The following PUDP variants were observed in gnomAD, a reference collection of about 807,000 sequenced individuals.
PUDP encodes the protein pseudouridine-5'-phosphatase.
Under a neutral mutation model 9.4 loss-of-function variants are expected in PUDP, and 8 were observed. The ratio of observed to expected loss-of-function variants is 0.85; its 90% CI spans 0.50 to 1.53. The LOEUF (loss-of-function observed/expected upper bound fraction) is 1.53, where lower values mean the gene tolerates loss of function less well. Among genes scored for constraint, PUDP ranks in the 40% most tolerant of loss-of-function variants. The pLI is 0.00. For synonymous variants in PUDP, 99 were observed against 80.7 expected (o/e 1.23, Z -1.22); for missense variants, 188 against 189.7 (o/e 0.99, Z 0.05).
chrX:7,024,280 G>A (rs1325218830), intron 1 of PUDP, among the ~76,000 whole-genome samples: 16 of 111,689 alleles, frequency 1.4e-4, no homozygotes, highest in Non-Finnish European at 2.8e-4. Context: ...TTAAAGAAAA[G>A]TATTAAGTTT....
chrX:6,841,056 A>G (rs1004160628), intron 3 of PUDP, among the ~76,000 whole-genome samples: 1 of 111,705 alleles, frequency 9.0e-6, no homozygotes, highest in African/African-American at 3.3e-5. Flanking sequence ...AGGTGGGTGG[A>G]TCACAAGGTC....
At chrX:7,134,299 A>G (rs1469528003) in intron 1 of PUDP, among the ~76,000 whole-genome samples, 1 of 112,174 alleles carries the variant, frequency 8.9e-6, no homozygotes, top group Admixed American at 9.5e-5. Flanking sequence ...TTCAGTATCT[A>G]CAATTGTACC....
intron 3 of PUDP, among the ~76,000 whole-genome samples, chrX:6,856,883 A>C (rs757389933): frequency 8.9e-6 from 1 of 112,298 alleles, no homozygotes; most frequent in African/African-American, 3.2e-5. Flanking sequence ...ACTTTGACTT[A>C]AGTAAGCCAA....
chrX:6,711,080 C>T (rs1346184058), intron 1 of PUDP, among the ~76,000 whole-genome samples: 1 of 111,795 alleles, frequency 8.9e-6, no homozygotes, highest in Non-Finnish European at 1.9e-5. Context: ...TCCCCTTCCC[C>T]CTCTGAAGTT....
intron 3 of PUDP, among the ~76,000 whole-genome samples, chrX:6,814,000 C>T (rs913852305): frequency 1.8e-5 from 2 of 110,840 alleles, no homozygotes; most frequent in African/African-American, 3.3e-5. Flanking sequence ...GCTGCCATTG[C>T]GGGAGAAACA....
chrX:7,123,558 T>C lies in PUDP; in HGVS notation c.62-17720A>G, dbSNP rs151313395. 7.2e-4 allele frequency among the ~76,000 whole-genome samples: 81 copies of C among 111,756 alleles called. 2 individuals are homozygous for C. The East Asian group carries it at 0.021, about 28-fold the overall frequency. ...AATAATCGCATTGTATGTAAATAGA[T>C]TAAAAACGCCAATTAAAAGGTAGAG... On this transcript the variant is annotated intron_variant, in intron 1 of 3. Transcript: ENST00000381077.
At chrX:6,905,725 G>T (rs1232196562) in intron 3 of PUDP, among the ~76,000 whole-genome samples, 4 of 111,438 alleles carry the variant, frequency 3.6e-5, no homozygotes, top group African/African-American at 9.8e-5. Flanking sequence ...CACATATAGC[G>T]ATCAGCCCAG....
chrX:6,728,052 C>A (rs1475293842), intron 3 of PUDP, among the ~76,000 whole-genome samples: 2 of 111,607 alleles, frequency 1.8e-5, no homozygotes, highest in South Asian at 7.6e-4. Context: ...AATGGACTCA[C>A]AGTTCCACCT....
chrX:7,005,900 T>C (rs189713756), intron 1 of PUDP, among the ~76,000 whole-genome samples: 1 of 111,564 alleles, frequency 9.0e-6, no homozygotes, highest in African/African-American at 3.3e-5. Flanking sequence ...TTGACTGCTC[T>C]AGGGACTTAT....
chrX:6,902,203 A>C (rs964593966), intron 3 of PUDP, among the ~76,000 whole-genome samples: 1 of 112,140 alleles, frequency 8.9e-6, no homozygotes, highest in African/African-American at 3.2e-5. Context: ...CTTGGGTTTC[A>C]TAACTGGTAA....
intron 3 of PUDP, among the ~76,000 whole-genome samples, chrX:6,859,714 G>C (rs997051979): frequency 9.0e-6 from 1 of 110,929 alleles, no homozygotes; most frequent in African/African-American, 3.3e-5. Flanking sequence ...TGACTTAGCT[G>C]CTCCTATGGC....
chrX:7,136,934 A>C (rs1215456113), intron 1 of PUDP, among the ~76,000 whole-genome samples: 12 of 111,858 alleles, frequency 1.1e-4, no homozygotes, highest in Admixed American at 5.7e-4. Flanking sequence ...GACCCCAATG[A>C]CAAATACACC....
Position 6,986,943 on chromosome X carries a change from C to A in PUDP, c.205-8600G>T, listed in dbSNP as rs765978859. 1.1e-4 allele frequency among the ~76,000 whole-genome samples: 12 copies of A among 112,343 alleles called. No homozygotes were observed. The East Asian group carries it at 3.4e-3, about 32-fold the overall frequency. On this transcript the variant is annotated intron_variant and NMD_transcript_variant, in intron 1 of 3. Transcript: ENST00000655425. ...CTCAGACCTGTTAAGTTGCTTCATG[C>A]AAATTAAAAACGTTTGCATGCAACC... is the stretch of plus-strand genomic sequence containing the variant.
intron 1 of PUDP, among the ~76,000 whole-genome samples, chrX:7,011,933 A>G (rs1231404921): frequency 8.9e-6 from 1 of 112,637 alleles, no homozygotes; most frequent in African/African-American, 3.2e-5. Context: ...CACTAGCATT[A>G]AGGTATTTTC....
chrX:6,897,388 G>A (rs766994360), intron 3 of PUDP, among the ~76,000 whole-genome samples: 2 of 111,668 alleles, frequency 1.8e-5, no homozygotes, highest in African/African-American at 3.2e-5. Context: ...GCATTTAACA[G>A]AAGAAATCAA....
intron 2 of PUDP, among the ~76,000 whole-genome samples, chrX:7,078,774 G>T (rs1441456686): frequency 2.7e-5 from 3 of 111,745 alleles, no homozygotes; most frequent in Non-Finnish European, 5.6e-5. Context: ...TTTTTAAAAG[G>T]AAGGCATGGA....
At chrX:6,933,754 T>A (rs1928246337) in intron 3 of PUDP, among the ~76,000 whole-genome samples, 1 of 110,597 alleles carries the variant, frequency 9.0e-6, no homozygotes, top group South Asian at 3.9e-4. Flanking sequence ...GAAGAATGCA[T>A]AACTAGAATA....
intron 3 of PUDP, among the ~76,000 whole-genome samples, chrX:6,858,452 C>G (rs1926946670): frequency 9.2e-6 from 1 of 108,138 alleles, no homozygotes; most frequent in Admixed American, 9.9e-5. Flanking sequence ...ACCTCAGCCT[C>G]TCGAGTAGCT....
chrX:6,870,485 A>G (rs1245343601), intron 3 of PUDP, among the ~76,000 whole-genome samples: 1 of 111,700 alleles, frequency 9.0e-6, no homozygotes, highest in Non-Finnish European at 1.9e-5. Context: ...GCTGCCATCC[A>G]TGTAAGATGT....
Sources: gnomAD v4.1 joint callset for allele counts (sites outside exome capture counted in the v4.1 genomes callset) on GRCh38, gnomAD v4.1.1 for gene constraint, MANE v1.5 for transcripts, NCBI Gene and HGNC (gene_info 2026-07-23, HGNC 2026-07-21) for gene names.